LDAH: variants seen among roughly 807,000 people sequenced by gnomAD.
LDAH encodes the protein lipid droplet-associated hydrolase.
LDAH carries 26 observed loss-of-function variants against 29.6 expected under a neutral mutation model. The ratio of observed to expected loss-of-function variants is 0.88; its 90% CI spans 0.64 to 1.22. The LOEUF (loss-of-function observed/expected upper bound fraction) is 1.22. LDAH is among the 50% of genes most tolerant of loss of function. LDAH has a pLI of 0.00. For synonymous variants in LDAH, 117 were observed against 133.0 expected (o/e 0.88, Z 0.83); for missense variants, 344 against 387.3 (o/e 0.89, Z 0.94).
chr2:20,719,240 T>TTTTAA (rs1553338633), intron 5 of LDAH, among the ~76,000 whole-genome samples: 1 of 148,592 alleles, frequency 6.7e-6, no homozygotes, highest in Non-Finnish European at 1.5e-5. Context: ...TTTTTTTTTT[T>TTTTAA]AAAGATAGAC....
chr2:20,765,814 T>G (rs1463306214), intron 4 of LDAH, among the ~76,000 whole-genome samples: 1 of 152,206 alleles, frequency 6.6e-6, no homozygotes, highest in Non-Finnish European at 1.5e-5. Flanking sequence ...AGGGAGGAAA[T>G]AGAAGCTCCT....
At chr2:20,734,850 A>G (rs1402768393) in intron 5 of LDAH, among the ~76,000 whole-genome samples, 1 of 152,148 alleles carries the variant, frequency 6.6e-6, no homozygotes, top group Non-Finnish European at 1.5e-5. Flanking sequence ...TAGTTTTTCA[A>G]CATTTGAGAA....
At chr2:20,712,153 G>A (rs1292395218) in intron 5 of LDAH, among the ~76,000 whole-genome samples, 1 of 152,170 alleles carries the variant, frequency 6.6e-6, no homozygotes, top group Admixed American at 6.5e-5. Context: ...TCATACAGGT[G>A]GGTGCCCCTC....
intron 3 of LDAH, chr2:20,789,386 T>G (rs553728011): frequency 2.7e-4 from 401 of 1,476,960 alleles, no homozygotes; most frequent in Non-Finnish European, 3.5e-4. Flanking sequence ...AATCTGCCAG[T>G]GCAGACTGGA....
At chr2:20,772,538 G>A (rs1175429119) in intron 4 of LDAH, among the ~76,000 whole-genome samples, 1 of 152,188 alleles carries the variant, frequency 6.6e-6, no homozygotes, top group East Asian at 1.9e-4. Flanking sequence ...GCAGCTCTGA[G>A]GCAGCTCCCA....
intron 5 of LDAH, among the ~76,000 whole-genome samples, chr2:20,715,338 T>C (rs1665097846): frequency 6.6e-6 from 1 of 152,174 alleles, no homozygotes; most frequent in South Asian, 2.1e-4. Context: ...CAGCCCTTCA[T>C]GCTAAAAACT....
intron 4 of LDAH, among the ~76,000 whole-genome samples, chr2:20,765,691 A>G (rs1159381832): frequency 1.3e-5 from 2 of 152,072 alleles, no homozygotes; most frequent in African/African-American, 4.8e-5. Flanking sequence ...AGACCCGAGA[A>G]GGTTTCACTC....
Position 20,796,057 on chromosome 2 carries a change from T to C in LDAH, c.154+5253A>G, listed in dbSNP as rs73224605. Among the ~76,000 whole-genome samples the C allele has an allele frequency of 5.2e-3, 796 of 151,956 alleles. 7 individuals are homozygous for C. The highest frequency in any genetic ancestry group is 0.018 in the African/African-American group (753 of 41,446). On this transcript the variant is annotated intron_variant, in intron 2 of 6. Transcript: ENST00000237822. Reference sequence around the variant, plus strand: ...AAGAACACTAGGAAATGAAATATGATCTGAAAATGTCAAAGCACTATAAAC... The same window carrying C: ...AAGAACACTAGGAAATGAAATATGACCTGAAAATGTCAAAGCACTATAAAC...
chr2:20,697,453 T>A (rs1371405875), intron 6 of LDAH, among the ~76,000 whole-genome samples: 1 of 152,200 alleles, frequency 6.6e-6, no homozygotes, highest in Non-Finnish European at 1.5e-5. Context: ...CATTTGTTAA[T>A]CTCACCAAAT....
intron 5 of LDAH, among the ~76,000 whole-genome samples, chr2:20,735,247 T>C (rs1666694075): frequency 6.6e-6 from 1 of 152,224 alleles, no homozygotes; most frequent in Non-Finnish European, 1.5e-5. Context: ...ACTAGTGTTA[T>C]CACAAATGTT....
chr2:20,808,446 G>C lies in LDAH; in HGVS notation c.-2-6981C>G, dbSNP rs544555897. Among the ~76,000 whole-genome samples the C allele has an allele frequency of 9.9e-5, 15 of 152,148 alleles. No homozygotes were observed. The South Asian group carries it at 3.1e-3, about 32-fold the overall frequency. On this transcript the variant is annotated intron_variant, in intron 1 of 6. Coordinates refer to ENST00000237822, the MANE Select transcript of LDAH (RefSeq NM_021925.4). ...TGGGAGGCCGAGGCGGGCGGATCAC[G>C]AGGTCAGAAGATAGAGACCATCCTG...
chr2:20,767,490 G>A (rs535254651), intron 4 of LDAH, among the ~76,000 whole-genome samples: 175 of 152,360 alleles, frequency 1.1e-3, no homozygotes, highest in Non-Finnish European at 2.2e-3. Flanking sequence ...GACTTCGGGT[G>A]CTGACAAGCA....
intron 4 of LDAH, among the ~76,000 whole-genome samples, chr2:20,741,066 ATCT>A (rs1273734463): frequency 6.6e-6 from 1 of 152,134 alleles, no homozygotes; most frequent in Non-Finnish European, 1.5e-5. Flanking sequence ...TCATCTGTAT[ATCT>A]TCTTTGGTGA....
chr2:20,728,433 G>A (rs577572758), intron 5 of LDAH, among the ~76,000 whole-genome samples: 41 of 152,228 alleles, frequency 2.7e-4, no homozygotes, highest in Admixed American at 9.8e-4. Context: ...AAATTATGCC[G>A]ATGCAAGTAG....
At chr2:20,792,962 C>T (rs1671075090) in intron 2 of LDAH, among the ~76,000 whole-genome samples, 1 of 152,122 alleles carries the variant, frequency 6.6e-6, no homozygotes, top group Non-Finnish European at 1.5e-5. Flanking sequence ...ACAAAGTTTT[C>T]TCCCTATCTC....
intron 4 of LDAH, among the ~76,000 whole-genome samples, chr2:20,774,162 A>ATT (rs113604535): frequency 2.6e-5 from 4 of 152,168 alleles, no homozygotes; most frequent in African/African-American, 9.7e-5. Flanking sequence ...TGAAAGTACA[A>ATT]TTTTTTTGTT....
chr2:20,758,963 C>G (rs547080332), intron 4 of LDAH, among the ~76,000 whole-genome samples: 220 of 152,218 alleles, frequency 1.4e-3, no homozygotes, highest in African/African-American at 5.1e-3. Flanking sequence ...TTTATGAAAT[C>G]TCTTCTGAAA....
chr2:20,761,099 T>C (rs1394725001), intron 4 of LDAH, among the ~76,000 whole-genome samples: 3 of 152,222 alleles, frequency 2.0e-5, no homozygotes, highest in Admixed American at 1.3e-4. Flanking sequence ...TTTGGATGTA[T>C]ATAGCTGCTA....
At chr2:20,713,536 A>G (rs1445150135) in intron 5 of LDAH, among the ~76,000 whole-genome samples, 1 of 152,198 alleles carries the variant, frequency 6.6e-6, no homozygotes, top group Non-Finnish European at 1.5e-5. Context: ...ACACCTAACA[A>G]TATTAACCTT....
Sources: allele counts gnomAD v4.1 joint callset (sites outside exome capture counted in the v4.1 genomes callset), GRCh38; gene constraint gnomAD v4.1.1; transcripts MANE v1.5; gene names NCBI Gene and HGNC (gene_info 2026-07-23, HGNC 2026-07-21).